DYRK4: variants seen among roughly 807,000 people sequenced by gnomAD.
The protein encoded by DYRK4 is dual specificity tyrosine phosphorylation regulated kinase 4, also known as dual specificity tyrosine-phosphorylation-regulated kinase 4.
DYRK4 carries 64 observed loss-of-function variants against 68.3 expected under a neutral mutation model. That is an observed-to-expected ratio of 0.94 (90% confidence interval 0.77 to 1.15). The LOEUF (loss-of-function observed/expected upper bound fraction) is 1.15, where lower values mean the gene tolerates loss of function less well. Ranked by LOEUF, DYRK4 falls within the 50% of genes most tolerant of loss-of-function variation. The pLI, the probability that DYRK4 is intolerant of heterozygous loss-of-function variation, is 0.00. For synonymous variants in DYRK4, 274 were observed against 289.9 expected (o/e 0.95, Z 0.56); for missense variants, 740 against 764.7 (o/e 0.97, Z 0.38).
intron 2 of DYRK4, among the ~76,000 whole-genome samples, chr12:4,586,861 T>C (rs962158633): frequency 3.3e-5 from 5 of 152,160 alleles, no homozygotes; most frequent in Non-Finnish European, 7.3e-5. Context: ...GCAGACAACT[T>C]TGGCATGTGC....
intron 2 of DYRK4, among the ~76,000 whole-genome samples, chr12:4,582,857 G>A (rs532790934): frequency 1.6e-4 from 24 of 152,112 alleles, no homozygotes; most frequent in Admixed American, 9.8e-4. Context: ...GGCTGGGGGC[G>A]CTTTGTGAGC....
intron 12 of DYRK4, among the ~76,000 whole-genome samples, chr12:4,608,527 G>T (rs1945180077): frequency 6.6e-6 from 1 of 152,098 alleles, no homozygotes; most frequent in African/African-American, 2.4e-5. Context: ...GCCATGTGGG[G>T]GTTATAATTT....
In DYRK4 at chr12:4,591,484, A is replaced by G. The variant is rs1035533741; in HGVS notation, c.463+186A>G. On this transcript the variant is annotated intron_variant, in intron 5 of 14. Transcript: ENST00000543431. The surrounding 1 kb of genome is among the most constrained non-coding windows in gnomAD (Gnocchi z 4.1). ...TGTGGTAGTATAAGCAAGAGGCTGA[A>G]TAGGAGGCTGAATTTCCCCCAAGGA... 3.0e-5 allele frequency: 24 copies of G among 790,224 alleles called. No individual in the cohort carries two copies. The African/African-American group carries it at 3.5e-4, about 11-fold the overall frequency. The allele number at this position is 790,224 out of a possible 1,614,324, so 49.0% of individuals were successfully genotyped here. A position where few individuals can be genotyped will look rare whatever the true frequency, so the allele number is the denominator to read the frequency against.
chr12:4,600,518 C>A (rs1945069376), intron 10 of DYRK4, among the ~76,000 whole-genome samples: 1 of 150,294 alleles, frequency 6.7e-6, no homozygotes, highest in Non-Finnish European at 1.5e-5. Context: ...TTGGGACCAG[C>A]TTTTAAGGTG....
rs150365060 is a variant in DYRK4, at chr12:4,599,657, G to C, written c.1045-50G>C. 1.3e-4 allele frequency: 187 copies of C among 1,439,738 alleles called. No individual in the cohort carries two copies. The African/African-American group carries it at 2.4e-3, about 19-fold the overall frequency. 89.2% of individuals were successfully genotyped at this position (1,439,738 alleles called of 1,614,324 possible). A position where few individuals can be genotyped will look rare whatever the true frequency, so the allele number is the denominator to read the frequency against. On this transcript the variant is annotated intron_variant, in intron 9 of 14. Coordinates refer to ENST00000543431, the MANE Select transcript of DYRK4 (RefSeq NM_001394779.1). The stretch of plus-strand genomic sequence containing the variant: ...TGAGGAGCATTTAGGTAAGTAGAGG[G>C]CCTAGGGCCGCATTACTGTAGCTTG...
At chr12:4,580,713 G>A in intron 2 of DYRK4, 1 of 414,894 alleles carries the variant, frequency 2.4e-6, no homozygotes, top group South Asian at 1.8e-5. Context: ...GGGAAGGGAT[G>A]ACAGAGCCTG....
chr12:4,589,920 G>A (rs188119200), intron 3 of DYRK4, among the ~76,000 whole-genome samples: 24 of 152,302 alleles, frequency 1.6e-4, no homozygotes, highest in East Asian at 9.6e-4. Flanking sequence ...ACTTCCCTGC[G>A]TTAGGGTGGT....
intron 10 of DYRK4, among the ~76,000 whole-genome samples, chr12:4,601,364 C>G (rs1053654416): frequency 5.9e-5 from 9 of 152,196 alleles, no homozygotes; most frequent in African/African-American, 2.2e-4. Flanking sequence ...TCTGAAGAAC[C>G]TCTCCTACAG....
intron 2 of DYRK4, among the ~76,000 whole-genome samples, chr12:4,576,043 A>G (rs1320212413): frequency 6.6e-6 from 1 of 152,228 alleles, no homozygotes; most frequent in African/African-American, 2.4e-5. Context: ...TGATGTTCAT[A>G]GTTTACATTA....
At chr12:4,584,088 A>G (rs550975145) in intron 2 of DYRK4, among the ~76,000 whole-genome samples, 1 of 152,346 alleles carries the variant, frequency 6.6e-6, no homozygotes, top group East Asian at 1.9e-4. Flanking sequence ...ATAAACATCA[A>G]TGACACAAAG....
chr12:4,602,965 A>T, intron 10 of DYRK4: 1 of 873,766 alleles, frequency 1.1e-6, no homozygotes, highest in Non-Finnish European at 1.8e-6. Context: ...CCTTGAGCTT[A>T]AATTTTCACT....
intron 2 of DYRK4, among the ~76,000 whole-genome samples, chr12:4,574,340 C>G (rs1295767096): frequency 1.3e-5 from 2 of 151,630 alleles, no homozygotes; most frequent in African/African-American, 4.8e-5. Context: ...AGTTTTACAT[C>G]TATTATTCCA....
intron 10 of DYRK4, among the ~76,000 whole-genome samples, chr12:4,600,670 G>C (rs920149018): frequency 1.3e-5 from 2 of 151,330 alleles, no homozygotes; most frequent in Non-Finnish European, 2.9e-5. Context: ...AGACACAGAT[G>C]AAGAGATACA....
intron 10 of DYRK4, chr12:4,602,651 G>T (rs1191759088): frequency 7.1e-7 from 1 of 1,402,484 alleles, no homozygotes; most frequent in Non-Finnish European, 1.0e-6. Context: ...GAAGATCTGG[G>T]TAACACCTGC....
chr12:4,612,346 A>G (rs904368361), intron 13 of DYRK4, among the ~76,000 whole-genome samples, 197 bp from the exon 14 acceptor site: 4 of 152,234 alleles, frequency 2.6e-5, no homozygotes, highest in African/African-American at 9.6e-5. Context: ...CTTGTTATAC[A>G]CATCTTCTAA....
At chr12:4,588,870 A>G in intron 2 of DYRK4, 67 bp from the exon 3 acceptor site, 2 of 1,466,952 alleles carry the variant, frequency 1.4e-6, no homozygotes, top group Non-Finnish European at 9.2e-7. Flanking sequence ...TTGTAATGTA[A>G]CAAAAATATA....
At chr12:4,573,381 C>A (rs1434840767) in intron 2 of DYRK4, 1 of 1,289,228 alleles carries the variant, frequency 7.8e-7, no homozygotes, top group Non-Finnish European at 1.0e-6. Context: ...CTTTGTTCTG[C>A]GTGTTCATTG....
chr12:4,602,013 T>G (rs1337153562), intron 10 of DYRK4: 1 of 345,114 alleles, frequency 2.9e-6, no homozygotes, highest in African/African-American at 2.2e-5. Flanking sequence ...GGAATCATTT[T>G]ATTTTCACAA....
chr12:4,600,511 G>A (rs550111543), intron 10 of DYRK4, among the ~76,000 whole-genome samples: 1 of 150,494 alleles, frequency 6.6e-6, no homozygotes, highest in African/African-American at 2.4e-5. Context: ...AGGGACTTTG[G>A]GACCAGCTTT....
Sources: allele counts gnomAD v4.1 joint callset (sites outside exome capture counted in the v4.1 genomes callset), GRCh38; gene constraint gnomAD v4.1.1; non-coding constraint Gnocchi (gnomAD v3.1); transcripts MANE v1.5; gene names NCBI Gene and HGNC (gene_info 2026-07-23, HGNC 2026-07-21).